Variants in PCYT2 observed in about 807,000 individuals in gnomAD.
PCYT2 encodes phosphate cytidylyltransferase 2, ethanolamine.
A neutral mutation model predicts 50.0 loss-of-function variants in PCYT2; 33 were observed. The ratio of observed to expected loss-of-function variants is 0.66; its 90% CI spans 0.50 to 0.88. PCYT2 has a LOEUF of 0.88. PCYT2 is among the 40% of genes least tolerant of loss of function. The probability of loss-of-function intolerance (pLI) is 0.00; values close to 1 mark genes in which losing one functional copy is unlikely to be tolerated. For missense variants in PCYT2, 430 were observed against 519.7 expected (o/e 0.83, Z 1.68); for synonymous variants, 240 against 203.7 (o/e 1.18, Z -1.52).
intron 1 of PCYT2, 139 bp downstream of exon 1, chr17:81,911,128 G>A: frequency 2.0e-6 from 2 of 1,002,086 alleles, no homozygotes; most frequent in Middle Eastern, 5.0e-4. Flanking sequence ...GGCGAGCCCC[G>A]CAGCCTGCCA....
In PCYT2 at chr17:81,903,241, T is replaced by G; in HGVS notation, c.*1592A>C. On this transcript the variant is annotated 3_prime_UTR_variant, in exon 13 of 13. Coordinates refer to ENST00000538936, the MANE Select transcript of PCYT2 (RefSeq NM_002861.5). ...GCCTTCCTCTTGCCCCCATCCCTTC[T>G]GGCCAGGCCAAGTCCGAGGGTGCAG... 1 of 157,422 alleles carries G rather than the reference T, an allele frequency of 6.4e-6. No homozygotes were observed. The highest frequency in any genetic ancestry group is 1.4e-5 in the Non-Finnish European group (1 of 71,730). 9.8% of individuals were successfully genotyped at this position (157,422 alleles called of 1,614,324 possible). A position where few individuals can be genotyped will look rare whatever the true frequency, so the allele number is the denominator to read the frequency against.
At chr17:81,908,698 G>A in intron 3 of PCYT2, 64 bp from the exon 4 acceptor site, 2 of 1,455,352 alleles carry the variant, frequency 1.4e-6, no homozygotes, top group South Asian at 2.3e-5. Flanking sequence ...TCAGAGCCCA[G>A]GACCCTCTCG....
chr17:81,905,494 C>A (rs754405163), intron 10 of PCYT2, 47 bp from the exon 11 acceptor site: 11 of 1,529,322 alleles, frequency 7.2e-6, no homozygotes, highest in African/African-American at 4.1e-5. Flanking sequence ...AGGCAGCGGC[C>A]GTCGCCACCC....
At position 81,902,530 on chromosome 17, in the gene PCYT2, AGTCCGGC is replaced by A; in HGVS notation, c.*2296_*2302del. 6.9e-7 allele frequency: 1 copy of A among 1,459,766 alleles called. No individual in the cohort carries two copies. The highest frequency in any genetic ancestry group is 9.0e-7 in the Non-Finnish European group (1 of 1,113,020). The allele number at this position is 1,459,766 out of a possible 1,614,324, so 90.4% of individuals were successfully genotyped here. On this transcript the variant is annotated 3_prime_UTR_variant, in exon 13 of 13. Coordinates refer to ENST00000538936, the MANE Select transcript of PCYT2 (RefSeq NM_002861.5). Reference sequence around the variant, plus strand: ...GCACCCCAGGCTGCGGAGCCTCGTGAGTCCGGCGTGCCGGGGACTGATGGGGGGCGGC... The same window carrying A: ...GCACCCCAGGCTGCGGAGCCTCGTGAGTGCCGGGGACTGATGGGGGGCGGC...
rs199906971 is a variant in PCYT2, at chr17:81,907,606, G to A, written c.493-8C>T. ...GTACTCAGAGGACATCTCCTGCACA[G>A]AAGGTCAGAGCAGGGCTGAGGGGCC... is the stretch of plus-strand genomic sequence containing the variant. On this transcript the variant is annotated splice_region_variant and splice_polypyrimidine_tract_variant and intron_variant, in intron 5 of 12. Coordinates refer to ENST00000538936, the MANE Select transcript of PCYT2 (RefSeq NM_002861.5). 201 of 1,611,440 alleles carry A rather than the reference G, an allele frequency of 1.2e-4. No homozygotes were observed. The highest frequency in any genetic ancestry group is 1.5e-4 in the Non-Finnish European group (172 of 1,179,232).
rs1323981343 is a variant in PCYT2 at position 81,903,997 on chromosome 17, G to A, written c.*836C>T. 2.0e-5 allele frequency: 3 copies of A among 152,284 alleles called. No homozygotes were observed. The highest frequency in any genetic ancestry group is 4.4e-5 in the Non-Finnish European group (3 of 68,064). The allele number at this position is 152,284 out of a possible 1,614,324, so 9.4% of individuals were successfully genotyped here. A position where few individuals can be genotyped will look rare whatever the true frequency, so the allele number is the denominator to read the frequency against. ...GGGGTGTGGGAGACAGAGATCCCAT[G>A]GCCCCTGGAGGGGCCAAGGGGCAAG... On this transcript the variant is annotated 3_prime_UTR_variant, in exon 13 of 13. Transcript: ENST00000538936.
rs149271736 is a variant in PCYT2, at chr17:81,907,986, C to T, written c.408-129G>A. The stretch of plus-strand genomic sequence containing the variant: ...CACGGCTGCCCCAAAGACTGAGGGT[C>T]CCCTTCCTGTGCAAGGCCATAACAG... On this transcript the variant is annotated intron_variant, in intron 4 of 12. Coordinates refer to ENST00000538936, the MANE Select transcript of PCYT2 (RefSeq NM_002861.5). 1.5e-3 allele frequency: 1,077 copies of T among 730,376 alleles called. 5 individuals are homozygous for T. Among genetic ancestry groups the T allele is most frequent in the Admixed American group, 6.7e-3 (233 of 34,882 alleles). The allele number at this position is 730,376 out of a possible 1,614,324, so 45.2% of individuals were successfully genotyped here. A position where few individuals can be genotyped will look rare whatever the true frequency, so the allele number is the denominator to read the frequency against.
At chr17:81,907,239 C>G in intron 6 of PCYT2, 4 of 1,534,034 alleles carry the variant, frequency 2.6e-6, no homozygotes, top group African/African-American at 1.4e-5. Context: ...ATGTCCCCGG[C>G]GGGTATCGGG....
At position 81,909,015 on chromosome 17, in the gene PCYT2, C is replaced by T. The variant is rs2040433758; in HGVS notation, c.201G>A (p.Gly67=). Residue 67 remains glycine, a synonymous_variant, in exon 3 of 13, where the codon GGG becomes GGA. Transcript: ENST00000538936. ...HTDEEIAKHK[G]PPVFTQEERY... ...TCTCCTCCTGAGTGAACACCGGGGG[C>T]CCCTTGTGCTTGGCGATCTCCTCTA... 2 of 1,613,692 alleles carry T rather than the reference C, an allele frequency of 1.2e-6. No homozygotes were observed. Among genetic ancestry groups the T allele is most frequent in the African/African-American group, 1.3e-5 (1 of 74,930 alleles).
At chr17:81,908,788 G>A in intron 3 of PCYT2, 88 bp downstream of exon 3, 1 of 1,394,252 alleles carries the variant, frequency 7.2e-7, no homozygotes, top group Non-Finnish European at 1.0e-6. Context: ...AAGGGCGGAG[G>A]CCCCCTGTTC....
chr17:81,905,479 CGGGG>C, intron 10 of PCYT2, 32 bp from the exon 11 acceptor site: 2 of 1,555,638 alleles, frequency 1.3e-6, no homozygotes, highest in Middle Eastern at 1.7e-4. Context: ...GAGCCCTCCC[CGGGG>C]AGGCAGCGGC....
At position 81,909,496 on chromosome 17, in the gene PCYT2, G is replaced by A. The variant is rs371067681; in HGVS notation, c.178+18C>T. 2.2e-4 allele frequency: 357 copies of A among 1,604,050 alleles called. 5 individuals are homozygous for A. In the Middle Eastern group the frequency reaches 2.3e-3, roughly 10 times the overall value. ...GAGGGCTGGGGGGCCGCGGGTGGGC[G>A]AGGCCATCTGTGCTTACCATCGGTG... On this transcript the variant is annotated intron_variant, in intron 2 of 12. Transcript: ENST00000538936.
chr17:81,908,834 C>A lies in PCYT2; in HGVS notation c.340+42G>T, dbSNP rs374528292. On this transcript the variant is annotated intron_variant, in intron 3 of 12. Coordinates refer to ENST00000538936, the MANE Select transcript of PCYT2 (RefSeq NM_002861.5). ...CACCAGCAGATCTGATCCTGAGCCA[C>A]CTGATGTCCCCAGGCCCCCAGGTCC... 1.2e-5 allele frequency: 19 copies of A among 1,569,862 alleles called. No homozygotes were observed. The African/African-American group carries it at 1.8e-4, about 14-fold the overall frequency.
rs1204126587 is a variant in PCYT2 at position 81,909,039 on chromosome 17, T to G, written c.179-2A>C. The G allele has an allele frequency of 3.7e-6, 6 of 1,612,254 alleles. No homozygotes were observed. The highest frequency in any genetic ancestry group is 5.1e-6 in the Non-Finnish European group (6 of 1,179,220). ...GCCCCTTGTGCTTGGCGATCTCCTC[T>G]AGGAAAAGGACAACGGGGAGACTGG... On this transcript the variant is annotated splice_acceptor_variant, in intron 2 of 12. Coordinates refer to ENST00000538936, the MANE Select transcript of PCYT2 (RefSeq NM_002861.5). LOFTEE classifies it high-confidence loss of function.
intron 1 of PCYT2, among the ~76,000 whole-genome samples, chr17:81,909,910 C>T (rs577922115): frequency 2.6e-5 from 4 of 152,282 alleles, no homozygotes; most frequent in Admixed American, 1.3e-4. Flanking sequence ...CTGAAAGCTG[C>T]AGGGCCACGT....
intron 1 of PCYT2, chr17:81,910,800 G>C (rs756354223): frequency 1.3e-6 from 1 of 747,206 alleles, no homozygotes; most frequent in Non-Finnish European, 1.6e-6. Flanking sequence ...CCTCTGACTG[G>C]CCAGGGAAGA....
intron 2 of PCYT2, 62 bp downstream of exon 2, chr17:81,909,452 C>G: frequency 6.5e-7 from 1 of 1,535,130 alleles, no homozygotes; most frequent in South Asian, 1.1e-5. Flanking sequence ...GGCTTTCAGT[C>G]AACAGTCGCA....
Position 81,906,830 on chromosome 17 carries a change from C to T in PCYT2, c.606G>A (p.Gln202=), listed in dbSNP as rs147917375. 17 of 1,613,392 alleles carry T rather than the reference C, an allele frequency of 1.1e-5. No homozygotes were observed. In the African/African-American group the frequency reaches 2.1e-4, roughly 20 times the overall value. ...QFLQTSQKII[Q]FASGKEPQPG... ...GCTGGGGCTCCTTCCCAGAAGCAAA[C>T]TGGATGATCTTCTGAGATGTCTGCA... The change falls in exon 7 of 13, where the codon CAG becomes CAA. Residue 202 remains glutamine, a synonymous_variant. Transcript: ENST00000538936.
In PCYT2 at chr17:81,904,932, CT is replaced by C; in HGVS notation, c.1070del (p.Glu357GlyfsTer228). On this transcript the variant is annotated frameshift_variant, in exon 13 of 13. Transcript: ENST00000538936. LOFTEE classifies it low-confidence loss of function (END_TRUNC). The part of the protein sequence containing the change: ...QRIITNRLEY[E>X]ARNQKKEAKE... Reference sequence around the variant, plus strand: ...TGGCTTCCTTCTTCTGGTTTCGCGCCTCATACTCCAACCTGAGAGGGCAGGG... The same window carrying C: ...TGGCTTCCTTCTTCTGGTTTCGCGCCCATACTCCAACCTGAGAGGGCAGGG... 1 of 1,609,582 alleles carries C rather than the reference CT, an allele frequency of 6.2e-7. No individual in the cohort carries two copies. The highest frequency in any genetic ancestry group is 8.5e-7 in the Non-Finnish European group (1 of 1,177,756).
Sources: gnomAD v4.1 joint callset for allele counts (sites outside exome capture counted in the v4.1 genomes callset) on GRCh38, gnomAD v4.1.1 for gene constraint, MANE v1.5 for transcripts, NCBI Gene and HGNC (gene_info 2026-07-23, HGNC 2026-07-21) for gene names.